Variants in POLI observed in about 807,000 individuals in gnomAD.
The protein encoded by POLI is DNA polymerase iota, also known as RAD30 homolog B.
In POLI, 58 loss-of-function variants were observed where a neutral mutation model predicts 51.6. That is an observed-to-expected ratio of 1.12 (90% CI 0.91 to 1.40). The LOEUF is 1.40. Ranked by LOEUF, POLI falls within the 40% of genes most tolerant of loss-of-function variation. The pLI is 0.00. For synonymous variants in POLI, 322 were observed against 299.7 expected (o/e 1.07, Z -0.77); for missense variants, 921 against 871.3 (o/e 1.06, Z -0.72).
At chr18:54,291,771 A>G (rs2088021477) in intron 8 of POLI, 62 bp from the exon 9 acceptor site, 1 of 745,204 alleles carries the variant, frequency 1.3e-6, no homozygotes, top group Non-Finnish European at 2.2e-6. Context: ...AATCTCAGCA[A>G]TATAAAATAT....
chr18:54,272,235 A>G (rs941208852), intron 2 of POLI: 10 of 152,200 alleles, frequency 6.6e-5, no homozygotes, highest in Non-Finnish European at 1.3e-4. Flanking sequence ...AGTTTTTGCT[A>G]CGCCAAGGTG....
At chr18:54,303,707 C>T (rs1266577837) in intron 3 of POLI, among the ~76,000 whole-genome samples, 2 of 151,670 alleles carry the variant, frequency 1.3e-5, no homozygotes, top group African/African-American at 4.8e-5. Flanking sequence ...TCTTGGCAGA[C>T]TGCAGGCATG....
At chr18:54,302,216 TCTGG>T (rs2088504855), downstream of POLI, among the ~76,000 whole-genome samples, 1 of 152,162 alleles carries the variant, frequency 6.6e-6, no homozygotes, top group African/African-American at 2.4e-5. Flanking sequence ...TGTCTGTCTG[TCTGG>T]CTGGCTGTGT....
Position 54,281,011 on chromosome 18 carries a change from T to C in POLI, c.796+108T>C, listed in dbSNP as rs76185042. 8.7e-4 allele frequency: 560 copies of C among 640,928 alleles called. 5 individuals are homozygous for C. In the East Asian group the frequency reaches 0.015, roughly 17 times the overall value. The allele number at this position is 640,928 out of a possible 1,614,324, so 39.7% of individuals were successfully genotyped here. ...ATTCTTAGGTAGAGTTGTCTGTGAG[T>C]TTGTGTGCATGTGTGTGTGTGTGTA... On this transcript the variant is annotated intron_variant, in intron 5 of 9. Transcript: ENST00000579534.
intron 3 of POLI, among the ~76,000 whole-genome samples, chr18:54,304,929 A>G (rs1237781076): frequency 6.6e-6 from 1 of 152,136 alleles, no homozygotes; most frequent in Non-Finnish European, 1.5e-5. Context: ...ATCTTGAATT[A>G]ATTTTTGTAT....
chr18:54,308,672 G>A (rs966481575), intron 3 of POLI, among the ~76,000 whole-genome samples: 6 of 152,226 alleles, frequency 3.9e-5, no homozygotes, highest in African/African-American at 1.2e-4. Context: ...ATCCTGAAGA[G>A]TGTTTTCCAG....
chr18:54,309,256 A>G (rs1387927646), intron 3 of POLI, among the ~76,000 whole-genome samples: 1 of 152,206 alleles, frequency 6.6e-6, no homozygotes, highest in Non-Finnish European at 1.5e-5. Flanking sequence ...CGTGACCTAC[A>G]GATGGGGTTT....
chr18:54,305,007 A>C (rs2088558257), intron 3 of POLI, among the ~76,000 whole-genome samples: 1 of 152,222 alleles, frequency 6.6e-6, no homozygotes, highest in South Asian at 2.1e-4. Flanking sequence ...AGCACCATTC[A>C]TTAAATAGGG....
chr18:54,280,867 C>T lies in POLI; in HGVS notation c.760C>T (p.Leu254Phe). The change falls in exon 5 of 10, where the codon CTT (leucine) becomes TTT (phenylalanine). Residue 254 changes from leucine (L) to phenylalanine (F), a missense_variant. Leu to Phe is a conservative substitution (Grantham distance 22). Coordinates refer to ENST00000579534, the MANE Select transcript of POLI (RefSeq NM_007195.3). ...CTTATTACCTGAAAGTTGTCAACAT[C>T]TTATTCATAGTTTGAATCACATAAA... The part of the protein sequence containing the change: ...TVLLPESCQH[L>F]IHSLNHIKEI... The T allele has an allele frequency of 6.2e-7, 1 of 1,609,024 alleles. No homozygotes were observed. Among genetic ancestry groups the T allele is most frequent in the Non-Finnish European group, 8.5e-7 (1 of 1,175,410 alleles).
downstream of POLI, among the ~76,000 whole-genome samples, chr18:54,299,816 A>C (rs2088461168): frequency 6.6e-6 from 1 of 152,194 alleles, no homozygotes; most frequent in African/African-American, 2.4e-5. Context: ...AAACTATACC[A>C]AGGAGTAACC....
intron 3 of POLI, among the ~76,000 whole-genome samples, chr18:54,277,363 TGACACA>T (rs1477486559): frequency 6.6e-6 from 1 of 152,232 alleles, no homozygotes; most frequent in Non-Finnish European, 1.5e-5. Flanking sequence ...GTTTATTCTT[TGACACA>T]TTTCTTCAAG....
Position 54,269,569 on chromosome 18 carries a change from C to T in POLI, c.23C>T (p.Pro8Leu), listed in dbSNP as rs752650771. The T allele has an allele frequency of 5.6e-5, 82 of 1,474,114 alleles. No homozygotes were observed. Among genetic ancestry groups the T allele is most frequent in the Admixed American group, 1.3e-4 (5 of 38,914 alleles). The allele number at this position is 1,474,114 out of a possible 1,614,324, so 91.3% of individuals were successfully genotyped here. Residue 8 changes from proline (P) to leucine (L), a missense_variant, in exon 1 of 10, where the codon CCG (proline) becomes CTG (leucine). Pro to Leu is a moderately conservative substitution (Grantham distance 98). Coordinates refer to ENST00000579534, the MANE Select transcript of POLI (RefSeq NM_007195.3). MEKLGVEPEEEGGGDDDE... is the reference protein window; with the variant it reads MEKLGVELEEEGGGDDDE... Reference sequence around the variant, plus strand: ...GGGATGGAGAAGCTGGGGGTGGAGCCGGAGGAGGAAGGCGGCGGCGACGAC... The same window carrying T: ...GGGATGGAGAAGCTGGGGGTGGAGCTGGAGGAGGAAGGCGGCGGCGACGAC...
chr18:54,315,091 G>C (rs1483898824), intron 3 of POLI, among the ~76,000 whole-genome samples: 2 of 151,934 alleles, frequency 1.3e-5, no homozygotes, highest in Non-Finnish European at 2.9e-5. Flanking sequence ...CATTGATGTA[G>C]GCATCTAGTG....
intron 2 of POLI, among the ~76,000 whole-genome samples, 169 bp downstream of exon 2, chr18:54,271,654 G>A (rs983456233): frequency 6.6e-6 from 1 of 152,160 alleles, no homozygotes; most frequent in Non-Finnish European, 1.5e-5. Flanking sequence ...AATTTTACAA[G>A]CCTCATTTAA....
chr18:54,318,343 G>A (rs1006732080), intron 3 of POLI, among the ~76,000 whole-genome samples: 1 of 152,098 alleles, frequency 6.6e-6, no homozygotes, highest in African/African-American at 2.4e-5. Context: ...TTTTAAAAGT[G>A]TAAACATGAA....
intron 8 of POLI, among the ~76,000 whole-genome samples, chr18:54,288,554 T>G (rs1568136330): frequency 6.6e-6 from 1 of 152,170 alleles, no homozygotes; most frequent in Non-Finnish European, 1.5e-5. Flanking sequence ...CCTGACTTTC[T>G]TGTTTCATTG....
At chr18:54,277,576 T>C (rs2087300387) in intron 3 of POLI, 127 bp from the exon 4 acceptor site, 1 of 575,922 alleles carries the variant, frequency 1.7e-6, no homozygotes, top group African/African-American at 1.9e-5. Flanking sequence ...ATTAAAGATA[T>C]TATGGAACTA....
chr18:54,300,561 T>A (rs1259254513), downstream of POLI, among the ~76,000 whole-genome samples: 1 of 150,998 alleles, frequency 6.6e-6, no homozygotes. Context: ...AAAAGAGGAA[T>A]AGGACACATG....
At chr18:54,311,525 T>G (rs1423683496) in intron 3 of POLI, among the ~76,000 whole-genome samples, 1 of 152,234 alleles carries the variant, frequency 6.6e-6, no homozygotes, top group Non-Finnish European at 1.5e-5. Context: ...TTGATTTATC[T>G]AAACCAAACC....
Sources: gnomAD v4.1 joint callset for allele counts (sites outside exome capture counted in the v4.1 genomes callset) on GRCh38, gnomAD v4.1.1 for gene constraint, MANE v1.5 for transcripts, NCBI Gene and HGNC (gene_info 2026-07-23, HGNC 2026-07-21) for gene names.